Variants in GOLGA4 observed in about 807,000 individuals in gnomAD.
GOLGA4 encodes golgin A4.
In GOLGA4, 169 loss-of-function variants were observed where a neutral mutation model predicts 265.9. The observed-to-expected ratio is 0.64, with a 90% CI of 0.56 to 0.72. The LOEUF (loss-of-function observed/expected upper bound fraction) is 0.72, where lower values mean the gene tolerates loss of function less well. GOLGA4 is among the 30% of genes least tolerant of loss of function. The pLI is 0.00. For missense variants in GOLGA4, 2,482 were observed against 2,483.4 expected, an observed-to-expected ratio of 1.00 and a Z score of 0.01; for synonymous variants, 923 against 855.8, an observed-to-expected ratio of 1.08 and a Z score of -1.37.
intron 3 of GOLGA4, among the ~76,000 whole-genome samples, chr3:37,282,651 C>T (rs1252983200): frequency 6.6e-6 from 1 of 152,178 alleles, no homozygotes; most frequent in East Asian, 1.9e-4. Context: ...TCCAAAATGA[C>T]CTCATCTGCC....
chr3:37,340,412 C>G (rs891253884), intron 20 of GOLGA4, among the ~76,000 whole-genome samples: 6 of 152,096 alleles, frequency 3.9e-5, no homozygotes, highest in African/African-American at 1.4e-4. Flanking sequence ...AAACTAAGTG[C>G]ATTACCTGAC....
chr3:37,267,004 G>T (rs2096785556), intron 2 of GOLGA4: 4 of 655,658 alleles, frequency 6.1e-6, no homozygotes, highest in South Asian at 1.6e-5. Flanking sequence ...GGCAATTGTA[G>T]AAGCAAATCT....
rs1028984765 is a variant in GOLGA4, at chr3:37,366,154, A to G, written c.*108A>G. 5 of 1,427,726 alleles carry G rather than the reference A, an allele frequency of 3.5e-6. No homozygotes were observed. In the South Asian group the frequency reaches 6.8e-5, roughly 19 times the overall value. The allele number at this position is 1,427,726 out of a possible 1,614,324, so 88.4% of individuals were successfully genotyped here. On this transcript the variant is annotated 3_prime_UTR_variant, in exon 24 of 24. Transcript: ENST00000361924. ...GCTTGGAAAACTGTCCACACTTGCT[A>G]CTCTTTGAGAATGAAGTTGTCATTC...
Position 37,323,914 on chromosome 3 carries a change from A to C in GOLGA4, c.2028A>C (p.Leu676Phe), listed in dbSNP as rs1431533531. Reference protein sequence around the residue: ...AHIEEMNEKTLEKLDVKQTEL... With the variant: ...AHIEEMNEKTFEKLDVKQTEL... ...TAGAAGAAATGAATGAAAAGACTTT[A>C]GAAAAGCTTGATGTGAAGCAAACAG... Residue 676 changes from leucine (L) to phenylalanine (F), a missense_variant, in exon 14 of 24, where the codon TTA (leucine) becomes TTC (phenylalanine). Leu to Phe is a conservative substitution (Grantham distance 22, BLOSUM62 0). Transcript: ENST00000361924. The C allele has an allele frequency of 6.2e-7, 1 of 1,613,764 alleles. No homozygotes were observed. The highest frequency in any genetic ancestry group is 8.5e-7 in the Non-Finnish European group (1 of 1,179,910).
At chr3:37,253,182 C>T (rs1439885130) in intron 2 of GOLGA4, among the ~76,000 whole-genome samples, 3 of 150,956 alleles carry the variant, frequency 2.0e-5, no homozygotes, top group Non-Finnish European at 4.4e-5. Context: ...ACTTGAGCCT[C>T]GGAGGTCGAA....
chr3:37,306,799 T>A (rs1398845187), intron 10 of GOLGA4, among the ~76,000 whole-genome samples: 1 of 152,130 alleles, frequency 6.6e-6, no homozygotes, highest in Non-Finnish European at 1.5e-5. Context: ...TGCATGTACA[T>A]CATTTACTTG....
intron 20 of GOLGA4, among the ~76,000 whole-genome samples, chr3:37,346,033 A>G (rs946498313): frequency 1.3e-5 from 2 of 152,172 alleles, no homozygotes. Context: ...ATAGATCTAG[A>G]GGAATAAAAT....
rs1386866786 is a variant in GOLGA4 at position 37,321,838 on chromosome 3, T to G, written c.1653T>G (p.Ser551Arg). The change falls in exon 13 of 24, where the codon AGT (serine) becomes AGG (arginine). Residue 551 changes from serine to arginine, a missense_variant. By Grantham distance (110) the Ser-to-Arg change is moderately radical (BLOSUM62 -1). Around this residue, in one of 3 missense-constraint regions of GOLGA4, gnomAD observed 1,536 missense variants for 1,483.7 expected, o/e 1.04. Transcript: ENST00000361924. ...AGAAAAAAGCAATCCTCACAGAAAG[T>G]GAAAATAAACTTCGGGACCTTCAGC... ...ELQKKAILTESENKLRDLQQE... is the reference protein window; with the variant it reads ...ELQKKAILTERENKLRDLQQE... 5 of 1,612,854 alleles carry G rather than the reference T, an allele frequency of 3.1e-6. No individual in the cohort carries two copies. The highest frequency in any genetic ancestry group is 2.7e-5 in the African/African-American group (2 of 74,858).
chr3:37,361,523 C>A (rs1169926439), intron 23 of GOLGA4, among the ~76,000 whole-genome samples: 1 of 152,132 alleles, frequency 6.6e-6, no homozygotes, highest in Non-Finnish European at 1.5e-5. Flanking sequence ...AATTTCATTT[C>A]TTTAAAGAGT....
intron 14 of GOLGA4, among the ~76,000 whole-genome samples, chr3:37,328,212 A>G (rs889276126): frequency 1.7e-4 from 25 of 150,656 alleles, no homozygotes; most frequent in African/African-American, 6.1e-4. Flanking sequence ...CTTAGAGGTA[A>G]TCATAGTTGA....
intron 20 of GOLGA4, among the ~76,000 whole-genome samples, chr3:37,346,218 A>G (rs956840898): frequency 6.6e-6 from 1 of 152,206 alleles, no homozygotes; most frequent in African/African-American, 2.4e-5. Flanking sequence ...CATGTAATGT[A>G]TGGAGGCTAT....
intron 2 of GOLGA4, among the ~76,000 whole-genome samples, chr3:37,254,973 A>G (rs1408571674): frequency 6.7e-6 from 1 of 149,980 alleles, no homozygotes; most frequent in Non-Finnish European, 1.5e-5. Context: ...CCATTTCTAG[A>G]AATCTGTCCT....
chr3:37,261,273 T>C (rs2096769220), intron 2 of GOLGA4, among the ~76,000 whole-genome samples: 2 of 152,220 alleles, frequency 1.3e-5, no homozygotes, highest in Non-Finnish European at 2.9e-5. Flanking sequence ...TTTAGGACTT[T>C]CGGTCAAATC....
At chr3:37,362,444 T>G (rs1399339194) in intron 23 of GOLGA4, among the ~76,000 whole-genome samples, 3 of 150,976 alleles carry the variant, frequency 2.0e-5, no homozygotes, top group African/African-American at 2.4e-5. Flanking sequence ...GTTTCACCGT[T>G]TTAGCCAGGA....
chr3:37,266,819 G>A (rs1205524882), intron 2 of GOLGA4: 2 of 1,101,466 alleles, frequency 1.8e-6, no homozygotes, highest in African/African-American at 1.6e-5. Context: ...TTGTACTTTT[G>A]CTTATTACAC....
chr3:37,301,101 T>C (rs1198351442), intron 9 of GOLGA4, among the ~76,000 whole-genome samples: 2 of 152,232 alleles, frequency 1.3e-5, no homozygotes, highest in Non-Finnish European at 2.9e-5. Flanking sequence ...AAAGCAAGGG[T>C]TGGCAAACCC....
At chr3:37,284,402 C>A (rs1284285536) in intron 3 of GOLGA4, among the ~76,000 whole-genome samples, 1 of 152,040 alleles carries the variant, frequency 6.6e-6, no homozygotes, top group South Asian at 2.1e-4. Context: ...TACAGGCATG[C>A]GCCACCATGC....
Position 37,324,634 on chromosome 3 carries a change from G to A in GOLGA4, c.2748G>A (p.Met916Ile), listed in dbSNP as rs1192900624. The part of the protein sequence containing the change: ...LVEKENMILQ[M>I]REGQKKEIEI... Reference sequence around the variant, plus strand: ...AAAAGGAAAATATGATTTTACAAATGAGAGAAGGACAGAAGAAAGAAATTG... The same window carrying A: ...AAAAGGAAAATATGATTTTACAAATAAGAGAAGGACAGAAGAAAGAAATTG... The change falls in exon 14 of 24, where the codon ATG (methionine) becomes ATA (isoleucine). Residue 916 changes from methionine to isoleucine, a missense_variant. By Grantham distance (10) the Met-to-Ile change is conservative (BLOSUM62 1). Coordinates refer to ENST00000361924, the MANE Select transcript of GOLGA4 (RefSeq NM_002078.5). The A allele has an allele frequency of 1.2e-6, 2 of 1,612,554 alleles. No individual in the cohort carries two copies. The highest frequency in any genetic ancestry group is 2.2e-5 in the South Asian group (2 of 91,020).
At chr3:37,310,244 A>G (rs1389861257) in intron 10 of GOLGA4, among the ~76,000 whole-genome samples, 1 of 152,196 alleles carries the variant, frequency 6.6e-6, no homozygotes, top group Non-Finnish European at 1.5e-5. Context: ...GTAACAAAAT[A>G]GTAATGCTGC....
Sources: gnomAD v4.1 joint callset for allele counts (sites outside exome capture counted in the v4.1 genomes callset) on GRCh38, gnomAD v4.1.1 for gene constraint, gnomAD v4.1.1 regional missense constraint, MANE v1.5 for transcripts, NCBI Gene and HGNC (gene_info 2026-07-23, HGNC 2026-07-21) for gene names.